Variants in GNG4 observed in about 807,000 individuals in gnomAD.
GNG4 encodes the protein guanine nucleotide-binding protein G(I)/G(S)/G(O) subunit gamma-4.
GNG4 carries 4 observed loss-of-function variants against 5.8 expected under a neutral mutation model. That is an observed-to-expected ratio of 0.69 (90% CI 0.34 to 1.57). The LOEUF is 1.57. GNG4 is among the 40% of genes most tolerant of loss of function. The pLI is 0.06. For missense variants in GNG4, 96 were observed against 95.1 expected, an observed-to-expected ratio of 1.01 and a Z score of -0.04; for synonymous variants, 29 against 32.9, an observed-to-expected ratio of 0.88 and a Z score of 0.41.
At chr1:235,607,403 C>T (rs1053684869) in intron 1 of GNG4, among the ~76,000 whole-genome samples, 2 of 152,190 alleles carry the variant, frequency 1.3e-5, no homozygotes, top group African/African-American at 4.8e-5. Context: ...TCACCACCAA[C>T]ATCAGATTAC....
At chr1:235,624,549 T>A (rs568093505) in intron 1 of GNG4, among the ~76,000 whole-genome samples, 2 of 152,350 alleles carry the variant, frequency 1.3e-5, no homozygotes, top group Non-Finnish European at 2.9e-5. Context: ...AGCTGTCATA[T>A]TCCAGCTCCT....
rs182105605 is a variant in GNG4 at position 235,609,059 on chromosome 1, C to T, written c.-122-13548G>A. Among the ~76,000 whole-genome samples, 5 of 152,208 alleles carry T rather than the reference C, an allele frequency of 3.3e-5. No individual in the cohort carries two copies. The East Asian group carries it at 9.6e-4, about 29-fold the overall frequency. ...TGCTGTCTAGGCTTGTCTCAAACAC[C>T]TGGCTCCAAGCGATCTTCTTACCTT... On this transcript the variant is annotated intron_variant, in intron 1 of 3. Coordinates refer to ENST00000391854, the MANE Select transcript of GNG4 (RefSeq NM_001098722.2).
In GNG4 at chr1:235,556,714, T is replaced by C. The variant is rs1190403502; in HGVS notation, c.100-4477A>G. On this transcript the variant is annotated intron_variant, in intron 3 of 3. Coordinates refer to ENST00000391854, the MANE Select transcript of GNG4 (RefSeq NM_001098722.2). ...GGGGATGGTTTCAGGAGGATTCAAG[T>C]GCATTAGATTTATCGTACACTTTAT... 4.7e-5 allele frequency among the ~76,000 whole-genome samples: 7 copies of C among 149,684 alleles called. No individual in the cohort carries two copies. In the East Asian group the frequency reaches 1.4e-3, roughly 30 times the overall value.
chr1:235,569,672 A>G (rs1475303837), intron 3 of GNG4, among the ~76,000 whole-genome samples: 1 of 151,364 alleles, frequency 6.6e-6, no homozygotes, highest in Non-Finnish European at 1.5e-5. Flanking sequence ...GGTTCAAGCG[A>G]TTCTCCCACC....
intron 3 of GNG4, among the ~76,000 whole-genome samples, chr1:235,561,410 A>T (rs291350): frequency 0.51 from 74,944 of 148,014 alleles, 19,222 homozygotes; most frequent in East Asian, 0.87. Flanking sequence ...CTCTCTCTCT[A>T]TATATATACA....
At chr1:235,618,476 C>T (rs137870011) in intron 1 of GNG4, among the ~76,000 whole-genome samples, 7 of 152,132 alleles carry the variant, frequency 4.6e-5, no homozygotes, top group East Asian at 1.9e-4. Context: ...CTGTGTGAAT[C>T]GATTTATTAC....
intron 1 of GNG4, among the ~76,000 whole-genome samples, chr1:235,623,348 C>T (rs572252512): frequency 2.6e-5 from 4 of 152,272 alleles, no homozygotes; most frequent in South Asian, 2.1e-4. Flanking sequence ...GCACGGCCAC[C>T]GCTGCAGCCC....
At chr1:235,556,256 T>C (rs980013352) in intron 3 of GNG4, among the ~76,000 whole-genome samples, 1 of 151,808 alleles carries the variant, frequency 6.6e-6, no homozygotes, top group Admixed American at 6.6e-5. Context: ...AGGTCACCCA[T>C]CTATTAAGAG....
chr1:235,630,193 C>T (rs2102982306), intron 1 of GNG4, among the ~76,000 whole-genome samples: 1 of 152,262 alleles, frequency 6.6e-6, no homozygotes, highest in African/African-American at 2.4e-5. Flanking sequence ...AATGAGTAAC[C>T]TCCATTCCCC....
chr1:235,572,239 T>A (rs1687362611), intron 3 of GNG4, among the ~76,000 whole-genome samples: 1 of 151,530 alleles, frequency 6.6e-6, no homozygotes, highest in Admixed American at 6.6e-5. Context: ...TGAGATGGAG[T>A]CTCGCTCTGA....
At chr1:235,593,044 G>A (rs1688017874) in intron 2 of GNG4, among the ~76,000 whole-genome samples, 6 of 151,422 alleles carry the variant, frequency 4.0e-5, no homozygotes, top group Admixed American at 2.6e-4. Context: ...CACCTCCCAG[G>A]TTCAAGCAAT....
At chr1:235,565,473 T>C (rs1687171467) in intron 3 of GNG4, among the ~76,000 whole-genome samples, 1 of 152,168 alleles carries the variant, frequency 6.6e-6, no homozygotes. Context: ...CACTGCACTC[T>C]AGCCTGGGCT....
chr1:235,581,125 G>C (rs544935418), intron 3 of GNG4, among the ~76,000 whole-genome samples: 1 of 152,070 alleles, frequency 6.6e-6, no homozygotes, highest in Non-Finnish European at 1.5e-5. Flanking sequence ...CAAATCTCAC[G>C]TCAAATTGTA....
intron 2 of GNG4, among the ~76,000 whole-genome samples, chr1:235,587,328 A>AGGGT (rs1553367442): frequency 3.9e-5 from 2 of 51,776 alleles, no homozygotes; most frequent in African/African-American, 1.2e-4. Context: ...TGTGTGTGAG[A>AGGGT]GTGTGAGAGC....
chr1:235,611,511 G>C (rs1383851306), intron 1 of GNG4, among the ~76,000 whole-genome samples: 1 of 152,130 alleles, frequency 6.6e-6, no homozygotes, highest in African/African-American at 2.4e-5. Context: ...CCCAGCACCA[G>C]CAGGAAGTCA....
intron 3 of GNG4, among the ~76,000 whole-genome samples, chr1:235,554,997 G>A (rs1686861278): frequency 6.6e-6 from 1 of 152,138 alleles, no homozygotes; most frequent in South Asian, 2.1e-4. Flanking sequence ...ATTCAGAAAG[G>A]AAGTATTCAC....
At chr1:235,636,134 T>C (rs1689030714) in intron 1 of GNG4, among the ~76,000 whole-genome samples, 1 of 151,996 alleles carries the variant, frequency 6.6e-6, no homozygotes, top group South Asian at 2.1e-4. Context: ...AGAGGGAGAA[T>C]ATCCTGAGAG....
intron 2 of GNG4, among the ~76,000 whole-genome samples, chr1:235,586,092 T>A (rs1195136168): frequency 1.3e-5 from 2 of 152,198 alleles, no homozygotes; most frequent in East Asian, 1.9e-4. Context: ...CCAAAGGCAG[T>A]TTTTGAAAAG....
intron 1 of GNG4, among the ~76,000 whole-genome samples, chr1:235,612,206 A>T (rs1219406362): frequency 6.6e-6 from 1 of 152,172 alleles, no homozygotes; most frequent in Non-Finnish European, 1.5e-5. Flanking sequence ...GATTGACTAG[A>T]CATTCAGACT....
Sources: gnomAD v4.1 joint callset for allele counts (sites outside exome capture counted in the v4.1 genomes callset) on GRCh38, gnomAD v4.1.1 for gene constraint, MANE v1.5 for transcripts, NCBI Gene and HGNC (gene_info 2026-07-23, HGNC 2026-07-21) for gene names.